Variants in REC114 observed in about 807,000 individuals in gnomAD.
The protein encoded by REC114 is meiotic recombination protein REC114.
A neutral mutation model predicts 31.3 loss-of-function variants in REC114; 27 were observed. That is an observed-to-expected ratio of 0.86 (90% CI 0.64 to 1.19). The LOEUF is 1.19. Ranked by LOEUF, REC114 falls within the 50% of genes most tolerant of loss-of-function variation. REC114 has a pLI of 0.00. For synonymous variants in REC114, 134 were observed against 127.7 expected (o/e 1.05, Z -0.33); for missense variants, 344 against 326.9 (o/e 1.05, Z -0.40).
chr15:73,449,442 TAGAGA>T (rs573711491), intron 1 of REC114, among the ~76,000 whole-genome samples: 2 of 151,934 alleles, frequency 1.3e-5, no homozygotes, highest in Middle Eastern at 6.8e-3. Context: ...AAGACAAGGT[TAGAGA>T]AAAGAGTGAA....
At chr15:73,483,923 A>C (rs571863240) in intron 2 of REC114, 1 of 151,730 alleles carries the variant, frequency 6.6e-6, no homozygotes, top group South Asian at 2.1e-4. Context: ...AGAACTCGGC[A>C]CTCTCTATGT....
In REC114 at chr15:73,485,232, C is replaced by T. The variant is rs547551124; in HGVS notation, c.249+11311C>T. On this transcript the variant is annotated intron_variant, in intron 2 of 5. Coordinates refer to ENST00000331090, the MANE Select transcript of REC114 (RefSeq NM_001042367.2). Reference sequence around the variant, plus strand: ...CCGAGTAGCTGGGACTACAGGTGTGCGCCACTACGCCCAGCTAAGTTTTGT... The same window carrying T: ...CCGAGTAGCTGGGACTACAGGTGTGTGCCACTACGCCCAGCTAAGTTTTGT... Among the ~76,000 whole-genome samples, 74 of 152,168 alleles carry T rather than the reference C, an allele frequency of 4.9e-4. 1 individual carries two copies. Among genetic ancestry groups the T allele is most frequent in the Middle Eastern group, 6.8e-3 (2 of 294 alleles).
chr15:73,500,832 CTGA>C (rs1052319677), intron 2 of REC114, among the ~76,000 whole-genome samples: 2 of 150,620 alleles, frequency 1.3e-5, no homozygotes, highest in Admixed American at 1.3e-4. Context: ...CCTCTGAACT[CTGA>C]TGAATCCATT....
intron 2 of REC114, among the ~76,000 whole-genome samples, chr15:73,482,879 G>A (rs1893314765): frequency 6.6e-6 from 1 of 151,302 alleles, no homozygotes; most frequent in South Asian, 2.1e-4. Flanking sequence ...GGATTATATG[G>A]TAATTCTATT....
intron 1 of REC114, among the ~76,000 whole-genome samples, chr15:73,453,327 A>G (rs1049151256): frequency 6.6e-6 from 1 of 151,064 alleles, no homozygotes; most frequent in African/African-American, 2.4e-5. Context: ...AAGGATATGT[A>G]CAAAAGAAGA....
chr15:73,513,683 G>A (rs1296310155), intron 2 of REC114, among the ~76,000 whole-genome samples: 1 of 152,208 alleles, frequency 6.6e-6, no homozygotes, highest in East Asian at 1.9e-4. Context: ...CTCAGCTGCA[G>A]GTCTGTTGGA....
intron 2 of REC114, among the ~76,000 whole-genome samples, chr15:73,508,201 GAATA>G (rs1235752561): frequency 6.6e-6 from 1 of 152,046 alleles, no homozygotes; most frequent in Non-Finnish European, 1.5e-5. Context: ...ATGAATAAAT[GAATA>G]GAGTAAATAG....
chr15:73,453,059 G>A (rs1224591345), intron 1 of REC114, among the ~76,000 whole-genome samples: 4 of 152,128 alleles, frequency 2.6e-5, no homozygotes, highest in Non-Finnish European at 4.4e-5. Flanking sequence ...ATACCATTCA[G>A]GACATAGGCA....
At chr15:73,545,440 A>G (rs1894295744) in intron 3 of REC114, among the ~76,000 whole-genome samples, 1 of 152,192 alleles carries the variant, frequency 6.6e-6, no homozygotes, top group Admixed American at 6.5e-5. Flanking sequence ...GTTTTCCATT[A>G]TGGTAACCTA....
intron 2 of REC114, among the ~76,000 whole-genome samples, chr15:73,531,306 G>A (rs1227727944): frequency 3.9e-5 from 6 of 152,126 alleles, no homozygotes; most frequent in African/African-American, 1.4e-4. Flanking sequence ...ACTTCAGATT[G>A]TGTACATCTT....
intron 3 of REC114, among the ~76,000 whole-genome samples, chr15:73,546,337 C>A (rs1442677323): frequency 1.2e-4 from 18 of 152,022 alleles, no homozygotes; most frequent in Non-Finnish European, 1.9e-4. Context: ...ATATGAATTA[C>A]ACACATCCTT....
At chr15:73,502,484 T>G (rs1893616279) in intron 2 of REC114, among the ~76,000 whole-genome samples, 1 of 152,214 alleles carries the variant, frequency 6.6e-6, no homozygotes, top group Admixed American at 6.5e-5. Context: ...TATTACATAC[T>G]GTATTCTTAT....
chr15:73,557,543 T>A (rs1262200778), intron 5 of REC114, among the ~76,000 whole-genome samples: 14 of 152,204 alleles, frequency 9.2e-5, no homozygotes, highest in Admixed American at 9.2e-4. Context: ...TGTTTATTTC[T>A]TTTAATAAAC....
chr15:73,480,060 A>G (rs140111440), intron 2 of REC114, among the ~76,000 whole-genome samples: 1 of 152,274 alleles, frequency 6.6e-6, no homozygotes, highest in Non-Finnish European at 1.5e-5. Context: ...CCAACATTGT[A>G]CAAGGATTGC....
intron 1 of REC114, among the ~76,000 whole-genome samples, chr15:73,452,011 A>G (rs920809400): frequency 6.6e-6 from 1 of 152,196 alleles, no homozygotes; most frequent in Admixed American, 6.5e-5. Context: ...TTTATGATAA[A>G]CCCACAGCCA....
chr15:73,490,022 C>T (rs986909265), intron 2 of REC114, among the ~76,000 whole-genome samples: 2 of 152,200 alleles, frequency 1.3e-5, no homozygotes, highest in African/African-American at 4.8e-5. Context: ...CTCAGGATAG[C>T]TTTTGCTAAC....
At chr15:73,455,639 C>G (rs754667170) in intron 1 of REC114, among the ~76,000 whole-genome samples, 1 of 152,050 alleles carries the variant, frequency 6.6e-6, no homozygotes, top group Non-Finnish European at 1.5e-5. Flanking sequence ...GAATAATATG[C>G]TTCATTATGT....
At chr15:73,506,506 G>C (rs1050552173) in intron 2 of REC114, among the ~76,000 whole-genome samples, 1 of 152,164 alleles carries the variant, frequency 6.6e-6, no homozygotes, top group Admixed American at 6.6e-5. Flanking sequence ...AGAAATGAAT[G>C]CAAGTAGAAG....
chr15:73,448,456 C>G (rs1182562934), intron 1 of REC114, among the ~76,000 whole-genome samples: 2 of 152,222 alleles, frequency 1.3e-5, no homozygotes, highest in East Asian at 3.9e-4. Flanking sequence ...TAGATTCCTC[C>G]TCTCTGGGCA....
Sources: allele counts gnomAD v4.1 joint callset (sites outside exome capture counted in the v4.1 genomes callset), GRCh38; gene constraint gnomAD v4.1.1; transcripts MANE v1.5; gene names NCBI Gene and HGNC (gene_info 2026-07-23, HGNC 2026-07-21).